DAB1: variants seen among roughly 807,000 people sequenced by gnomAD.
DAB1 encodes the protein DAB adaptor protein 1.
A neutral mutation model predicts 64.6 loss-of-function variants in DAB1; 15 were observed. That is an observed-to-expected ratio of 0.23 (90% CI 0.16 to 0.36). The LOEUF (loss-of-function observed/expected upper bound fraction) is 0.36, where lower values mean the gene tolerates loss of function less well. Ranked by LOEUF, DAB1 falls within the 10% of genes least tolerant of loss-of-function variation. DAB1 has a pLI of 1.00. For synonymous variants in DAB1, 235 were observed against 251.9 expected (o/e 0.93, Z 0.64); for missense variants, 596 against 706.7 (o/e 0.84, Z 1.78).
At chr1:58,373,648 C>G (rs1014024193) in intron 3 of DAB1, among the ~76,000 whole-genome samples, 1 of 151,530 alleles carries the variant, frequency 6.6e-6, no homozygotes, top group African/African-American at 2.4e-5. Flanking sequence ...TTTATAGCCA[C>G]GTGTCTTTAT....
At position 58,503,680 on chromosome 1, in the gene DAB1, C is replaced by A. The variant is rs551047174; in HGVS notation, n.257+2380G>T. On this transcript the variant is annotated intron_variant and non_coding_transcript_variant, in intron 3 of 20. Transcript: ENST00000485760. ...TTGCCCCTTCTACCATGTGAGGTTA[C>A]AAGGAGAAGATGGCTGTTTATGAGC... Among the ~76,000 whole-genome samples the A allele has an allele frequency of 2.0e-5, 3 of 152,074 alleles. No homozygotes were observed. The South Asian group carries it at 6.2e-4, about 32-fold the overall frequency.
At chr1:57,562,264 T>C (rs1462874600) in intron 7 of DAB1, among the ~76,000 whole-genome samples, 24 of 152,180 alleles carry the variant, frequency 1.6e-4, no homozygotes. Flanking sequence ...TCCCAGCTAC[T>C]TGGGAGGCTG....
chr1:57,436,672 G>T (rs1393023242), intron 7 of DAB1, among the ~76,000 whole-genome samples: 1 of 152,198 alleles, frequency 6.6e-6, no homozygotes, highest in African/African-American at 2.4e-5. Context: ...CAAGATGGAT[G>T]CACCCTCTAC....
rs150085663 is a variant in DAB1, at chr1:58,262,457, C to T, written n.309+80895G>A. Among the ~76,000 whole-genome samples the T allele has an allele frequency of 4.1e-3, 619 of 152,260 alleles. 3 individuals are homozygous for T. The highest frequency in any genetic ancestry group is 6.8e-3 in the Middle Eastern group (2 of 294). On this transcript the variant is annotated intron_variant and non_coding_transcript_variant, in intron 4 of 20. Transcript: ENST00000485760. Reference sequence around the variant, plus strand: ...AAAATTAGCTGAATGTGGTGGTATGCACCTGTAGTCCCAGCTACTGGGGAG... The same window carrying T: ...AAAATTAGCTGAATGTGGTGGTATGTACCTGTAGTCCCAGCTACTGGGGAG...
intron 3 of DAB1, among the ~76,000 whole-genome samples, chr1:58,402,514 G>A (rs1302464406): frequency 6.6e-6 from 1 of 152,168 alleles, no homozygotes; most frequent in East Asian, 1.9e-4. Flanking sequence ...AAGAGATGGA[G>A]GGAGGAGAGA....
Position 58,077,919 on chromosome 1 carries a change from G to C in DAB1, n.387+72592C>G, listed in dbSNP as rs572570776. ...AGCACCAGGCTCTGAGCCAAGCTGTGCTCGAGTCTGAGTTCAAAGGCATGT... is the reference window on the plus strand; with the variant it reads ...AGCACCAGGCTCTGAGCCAAGCTGTCCTCGAGTCTGAGTTCAAAGGCATGT... On this transcript the variant is annotated intron_variant and non_coding_transcript_variant, in intron 5 of 20. Transcript: ENST00000485760. The C allele has an allele frequency of 2.0e-5, 3 of 152,308 alleles. No individual in the cohort carries two copies. In the East Asian group the frequency reaches 5.8e-4, roughly 29 times the overall value. The allele number at this position is 152,308 out of a possible 1,614,324, so 9.4% of individuals were successfully genotyped here.
chr1:57,986,781 C>G (rs570810579), intron 5 of DAB1, among the ~76,000 whole-genome samples: 1 of 152,168 alleles, frequency 6.6e-6, no homozygotes, highest in African/African-American at 2.4e-5. Context: ...CCACAGAGAA[C>G]GTTCTATCTC....
chr1:57,033,361 T>C, intron 9 of DAB1: 2 of 1,612,192 alleles, frequency 1.2e-6, no homozygotes, highest in Admixed American at 1.7e-5. Context: ...AACAACCTAA[T>C]TTAACACAAA....
intron 7 of DAB1, among the ~76,000 whole-genome samples, chr1:57,509,109 A>C (rs144021116): frequency 1.3e-4 from 20 of 152,284 alleles, no homozygotes; most frequent in African/African-American, 4.6e-4. Context: ...ACATATATAC[A>C]TATTATACAT....
At position 57,448,168 on chromosome 1, in the gene DAB1, C is replaced by G. The variant is rs754644013; in HGVS notation, n.626-157002G>C. On this transcript the variant is annotated intron_variant and non_coding_transcript_variant, in intron 7 of 20. Transcript: ENST00000485760. Reference sequence around the variant, plus strand: ...ATTCTTAGATAATTAGGAATCTTGACAAATCCTAAATTTCCCAATAACCTA... The same window carrying G: ...ATTCTTAGATAATTAGGAATCTTGAGAAATCCTAAATTTCCCAATAACCTA... 2.9e-4 allele frequency among the ~76,000 whole-genome samples: 44 copies of G among 152,172 alleles called. 2 individuals are homozygous for G. The highest frequency in any genetic ancestry group is 7.3e-5 in the Non-Finnish European group (5 of 68,034).
intron 5 of DAB1, among the ~76,000 whole-genome samples, chr1:58,081,137 A>G (rs1440794264): frequency 6.6e-6 from 1 of 152,236 alleles, no homozygotes; most frequent in Non-Finnish European, 1.5e-5. Context: ...AGACAGCAGT[A>G]TGGAACAGAG....
At chr1:58,474,425 G>A (rs1479402253) in intron 3 of DAB1, among the ~76,000 whole-genome samples, 1 of 151,290 alleles carries the variant, frequency 6.6e-6, no homozygotes, top group Non-Finnish European at 1.5e-5. Context: ...AACTACTTTT[G>A]CACCAACCTA....
chr1:58,301,082 A>G (rs1188653550), intron 4 of DAB1, among the ~76,000 whole-genome samples: 1 of 152,094 alleles, frequency 6.6e-6, no homozygotes, highest in East Asian at 1.9e-4. Context: ...GTGACTCCAC[A>G]TCATGGTTCA....
intron 4 of DAB1, among the ~76,000 whole-genome samples, chr1:57,073,806 CAG>C (rs1156479875): frequency 6.6e-6 from 1 of 152,166 alleles, no homozygotes; most frequent in Non-Finnish European, 1.5e-5. Flanking sequence ...AAAAACTAAA[CAG>C]AAATATGTAA....
chr1:58,397,439 C>CCT (rs1235070184), intron 3 of DAB1, among the ~76,000 whole-genome samples: 11 of 152,204 alleles, frequency 7.2e-5, no homozygotes, highest in African/African-American at 2.7e-4. Flanking sequence ...AGGTCACATA[C>CCT]TCCAGGGCTC....
chr1:57,756,898 G>T (rs1648836723), intron 6 of DAB1, among the ~76,000 whole-genome samples: 1 of 152,108 alleles, frequency 6.6e-6, no homozygotes, highest in African/African-American at 2.4e-5. Context: ...GGAGATTAAG[G>T]AAGGATGCTG....
chr1:57,313,292 C>G (rs1237668495), intron 1 of DAB1, among the ~76,000 whole-genome samples: 1 of 152,130 alleles, frequency 6.6e-6, no homozygotes, highest in Non-Finnish European at 1.5e-5. Context: ...TTCCCCGAGC[C>G]CTAGCCTGGT....
chr1:58,391,785 G>A (rs1464821203), intron 3 of DAB1, among the ~76,000 whole-genome samples: 1 of 152,176 alleles, frequency 6.6e-6, no homozygotes, highest in African/African-American at 2.4e-5. Context: ...GTCTTGCAAT[G>A]TGTGTAAGAA....
intron 4 of DAB1, among the ~76,000 whole-genome samples, chr1:58,214,108 G>T (rs914690277): frequency 1.3e-5 from 2 of 152,090 alleles, no homozygotes; most frequent in Non-Finnish European, 2.9e-5. Context: ...GCTCCTGATT[G>T]CCTTTCCACC....
Sources: gnomAD v4.1 joint callset for allele counts (sites outside exome capture counted in the v4.1 genomes callset) on GRCh38, gnomAD v4.1.1 for gene constraint, MANE v1.5 for transcripts, NCBI Gene and HGNC (gene_info 2026-07-23, HGNC 2026-07-21) for gene names.